NTM: variants seen among roughly 807,000 people sequenced by gnomAD.
NTM encodes neurotrimin, also known as IgLON family member 2.
A neutral mutation model predicts 42.1 loss-of-function variants in NTM; 13 were observed. The ratio of observed to expected loss-of-function variants is 0.31; its 90% CI spans 0.20 to 0.49. The LOEUF (loss-of-function observed/expected upper bound fraction) is 0.49. Ranked by LOEUF, NTM falls within the 20% of genes least tolerant of loss-of-function variation. The probability of loss-of-function intolerance (pLI) is 0.99; values close to 1 mark genes in which losing one functional copy is unlikely to be tolerated. For missense variants in NTM, 373 were observed against 452.8 expected (o/e 0.82, Z 1.60); for synonymous variants, 187 against 179.2 (o/e 1.04, Z -0.35).
chr11:131,789,371 G>A (rs909446903), intron 1 of NTM, among the ~76,000 whole-genome samples: 5 of 143,016 alleles, frequency 3.5e-5, no homozygotes, highest in Non-Finnish European at 7.5e-5. Flanking sequence ...TAATAATAAA[G>A]AAGAAGATTT....
chr11:132,275,726 G>A lies in NTM; in HGVS notation c.527-31963G>A, dbSNP rs1033771728. Among the ~76,000 whole-genome samples, 13 of 80,970 alleles carry A rather than the reference G, an allele frequency of 1.6e-4. No homozygotes were observed. In the South Asian group the frequency reaches 1.8e-3, roughly 11 times the overall value. 53.1% of individuals were successfully genotyped at this position (80,970 alleles called of 152,430 possible). ...TGTATATATATATGTATATATATACGTATATATACGTATATATATATGTGT... is the reference window on the plus strand; with the variant it reads ...TGTATATATATATGTATATATATACATATATATACGTATATATATATGTGT... On this transcript the variant is annotated intron_variant, in intron 4 of 8. Transcript: ENST00000683400.
chr11:132,081,263 A>C (rs1033681044), intron 2 of NTM, among the ~76,000 whole-genome samples: 1 of 152,246 alleles, frequency 6.6e-6, no homozygotes, highest in African/African-American at 2.4e-5. Flanking sequence ...ACACACATGC[A>C]TACCTATGTA....
At chr11:131,394,757 C>T (rs1346354997) in intron 1 of NTM, among the ~76,000 whole-genome samples, 3 of 152,258 alleles carry the variant, frequency 2.0e-5, no homozygotes, top group East Asian at 3.9e-4. Flanking sequence ...GGCATCTCAG[C>T]GTCGAGCTCA....
chr11:131,535,873 C>T (rs1373493978), intron 1 of NTM: 1 of 152,214 alleles, frequency 6.6e-6, no homozygotes, highest in African/African-American at 2.4e-5. Context: ...TAGAATGCTA[C>T]TGACTTACTG....
At chr11:132,001,344 GC>G (rs1414247182) in intron 2 of NTM, among the ~76,000 whole-genome samples, 1 of 152,112 alleles carries the variant, frequency 6.6e-6, no homozygotes, top group Non-Finnish European at 1.5e-5. Context: ...ATATATAAAG[GC>G]TGATTTATAG....
chr11:132,159,366 A>G (rs2073860338), intron 3 of NTM, among the ~76,000 whole-genome samples: 1 of 152,212 alleles, frequency 6.6e-6, no homozygotes, highest in African/African-American at 2.4e-5. Context: ...AGTCAATGGA[A>G]TTTAAAGTTG....
At chr11:131,561,097 A>G (rs2056172705) in intron 1 of NTM, among the ~76,000 whole-genome samples, 1 of 152,214 alleles carries the variant, frequency 6.6e-6, no homozygotes, top group Non-Finnish European at 1.5e-5. Flanking sequence ...ATCTGAAGGG[A>G]ACAAGCGCAG....
Position 132,002,331 on chromosome 11 carries a change from T to C in NTM, c.167+90683T>C, listed in dbSNP as rs2069484785. On this transcript the variant is annotated intron_variant, in intron 2 of 8. Coordinates refer to ENST00000683400, the MANE Select transcript of NTM (RefSeq NM_001352005.2). This position sits in a 1 kb window ranked among gnomAD's most constrained non-coding sequence, Gnocchi z 4.5. The stretch of plus-strand genomic sequence containing the variant: ...TTAGTTATTTGGAACATTAATATGC[T>C]GGTGTATCATATATTTTAATAAGAA... Among the ~76,000 whole-genome samples the C allele has an allele frequency of 2.0e-5, 3 of 152,208 alleles. No individual in the cohort carries two copies.
chr11:132,137,669 G>A (rs995126502), intron 2 of NTM, among the ~76,000 whole-genome samples: 4 of 152,172 alleles, frequency 2.6e-5, no homozygotes, highest in Non-Finnish European at 2.9e-5. Context: ...CGAACAGGAA[G>A]GCACTGTTAA....
chr11:132,332,052 C>T (rs550611240), intron 8 of NTM, among the ~76,000 whole-genome samples: 5 of 152,244 alleles, frequency 3.3e-5, no homozygotes, highest in East Asian at 1.9e-4. Flanking sequence ...GGATCATGAT[C>T]GATTTGGGGT....
At chr11:131,682,550 C>T (rs550554505) in intron 1 of NTM, among the ~76,000 whole-genome samples, 1 of 152,320 alleles carries the variant, frequency 6.6e-6, no homozygotes, top group East Asian at 1.9e-4. Context: ...GGACTGTGAC[C>T]CTGGGTGGGG....
intron 1 of NTM, among the ~76,000 whole-genome samples, chr11:131,705,788 C>G (rs2076534597): frequency 2.0e-5 from 3 of 151,874 alleles, no homozygotes; most frequent in Admixed American, 6.6e-5. Flanking sequence ...AGGTTTATAA[C>G]TATAAGATAT....
At chr11:131,524,509 C>T (rs1311715028) in intron 1 of NTM, among the ~76,000 whole-genome samples, 1 of 152,216 alleles carries the variant, frequency 6.6e-6, no homozygotes, top group Non-Finnish European at 1.5e-5. Flanking sequence ...CCACCAGGGT[C>T]ATGCTCTAGA....
intron 1 of NTM, among the ~76,000 whole-genome samples, chr11:131,438,196 C>G (rs1949309114): frequency 6.6e-6 from 1 of 152,202 alleles, no homozygotes; most frequent in Non-Finnish European, 1.5e-5. Context: ...TGACCTTTCT[C>G]TCTGGCTGCC....
At chr11:131,923,036 C>A (rs538236209) in intron 2 of NTM, among the ~76,000 whole-genome samples, 1 of 151,298 alleles carries the variant, frequency 6.6e-6, no homozygotes, top group South Asian at 2.1e-4. Context: ...TCGTTGAATT[C>A]ATGCATCTAC....
intron 2 of NTM, among the ~76,000 whole-genome samples, chr11:131,951,839 A>AT (rs2061027083): frequency 6.6e-6 from 1 of 151,334 alleles, no homozygotes; most frequent in South Asian, 2.1e-4. Context: ...AAAAAAAAAA[A>AT]AAAAGCCCAA....
chr11:131,704,964 C>G (rs789528), intron 1 of NTM, among the ~76,000 whole-genome samples: 30,672 of 151,932 alleles, frequency 0.2, 3,411 homozygotes, highest in African/African-American at 0.28. Flanking sequence ...AGTGACAAAA[C>G]CCTCTAGGAC....
chr11:132,112,164 T>C (rs2136766065), intron 2 of NTM, among the ~76,000 whole-genome samples: 1 of 152,214 alleles, frequency 6.6e-6, no homozygotes, highest in Non-Finnish European at 1.5e-5. Context: ...TTCGGATTGG[T>C]GTGTGACCCA....
intron 7 of NTM, among the ~76,000 whole-genome samples, chr11:132,315,508 T>A (rs73601216): frequency 0.015 from 2,311 of 152,288 alleles, 51 homozygotes; most frequent in African/African-American, 0.052. Flanking sequence ...ATCAAGTTCT[T>A]TGAGCTTGAG....
Sources: allele counts gnomAD v4.1 joint callset (sites outside exome capture counted in the v4.1 genomes callset), GRCh38; gene constraint gnomAD v4.1.1; non-coding constraint Gnocchi (gnomAD v3.1); transcripts MANE v1.5; gene names NCBI Gene and HGNC (gene_info 2026-07-23, HGNC 2026-07-21).